Variants in TRPC3 observed in about 807,000 individuals in gnomAD.
TRPC3 encodes the protein short transient receptor potential channel 3.
In TRPC3, 54 loss-of-function variants were observed where a neutral mutation model predicts 90.9. The observed-to-expected ratio is 0.59, with a 90% CI of 0.48 to 0.75. The LOEUF (loss-of-function observed/expected upper bound fraction) is 0.75. Among genes scored for constraint, TRPC3 ranks in the 30% least tolerant of loss-of-function variants. TRPC3 has a pLI of 0.00. For synonymous variants in TRPC3, 424 were observed against 450.9 expected (o/e 0.94, Z 0.75); for missense variants, 918 against 1,194.5 (o/e 0.77, Z 3.41).
rs202016445 is a variant in TRPC3 at position 121,932,824 on chromosome 4, T to A, written c.434A>T (p.Tyr145Phe). The A allele has an allele frequency of 5.6e-6, 9 of 1,610,016 alleles. No homozygotes were observed. The highest frequency in any genetic ancestry group is 7.6e-6 in the Non-Finnish European group (9 of 1,176,920). Residue 145 changes from tyrosine to phenylalanine, a missense_variant, in exon 2 of 12, where the codon TAC (tyrosine) becomes TTC (phenylalanine). Transcript: ENST00000379645. This position sits in a 1 kb window ranked among gnomAD's most constrained non-coding sequence, Gnocchi z 7.7. ...CAGCTGCAGCGCGTTCTGGCCCATG[T>A]AGTCCACGCAGTTGACGTTCAGCGT... ...SKTLNVNCVD[Y>F]MGQNALQLAV... is the part of the protein sequence containing the mutation.
chr4:121,921,909 G>GT lies in TRPC3; in HGVS notation c.1176+3108dup, dbSNP rs1201010547. On this transcript the variant is annotated intron_variant, in intron 3 of 11. Coordinates refer to ENST00000379645, the MANE Select transcript of TRPC3 (RefSeq NM_001130698.2). ...AACGAAGGAAGCCTTTGTTTTTTGG[G>GT]TTTTTTTTTGTTTTTTTTTTTTTTT... 4.9e-3 allele frequency among the ~76,000 whole-genome samples: 584 copies of GT among 119,648 alleles called. 4 individuals carry two copies. Among genetic ancestry groups the GT allele is most frequent in the African/African-American group, 9.1e-3 (320 of 35,278 alleles). The allele number at this position is 119,648 out of a possible 152,430, so 78.5% of individuals were successfully genotyped here. A position where few individuals can be genotyped will look rare whatever the true frequency, so the allele number is the denominator to read the frequency against.
Position 121,893,738 on chromosome 4 carries a change from A to G in TRPC3, c.2547+5874T>C, listed in dbSNP as rs374740390. ...ACCTGGTAAAAAACATTCTTAAGTC[A>G]TAACACAAAGGCTAATATTGTTAAA... On this transcript the variant is annotated intron_variant, in intron 10 of 11. Transcript: ENST00000379645. 3.8e-3 allele frequency among the ~76,000 whole-genome samples: 579 copies of G among 152,314 alleles called. 35 individuals carry two copies. In the South Asian group the frequency reaches 0.11, roughly 30 times the overall value.
Position 121,899,712 on chromosome 4 carries a change from T to C in TRPC3, c.2464-17A>G. The C allele has an allele frequency of 6.5e-7, 1 of 1,549,236 alleles. No individual in the cohort carries two copies. Among genetic ancestry groups the C allele is most frequent in the Non-Finnish European group, 8.9e-7 (1 of 1,122,038 alleles). ...GAGGTTTAACTAGGAAAAAATACAA[T>C]TAACCTAGTAAATTAGAATACATTC... On this transcript the variant is annotated splice_polypyrimidine_tract_variant and intron_variant, in intron 9 of 11. Coordinates refer to ENST00000379645, the MANE Select transcript of TRPC3 (RefSeq NM_001130698.2).
intron 3 of TRPC3, among the ~76,000 whole-genome samples, chr4:121,923,128 C>T (rs929233124): frequency 2.1e-4 from 32 of 152,168 alleles, no homozygotes; most frequent in African/African-American, 7.7e-4. Context: ...TTTCCCCATC[C>T]TCACTTGCTG....
chr4:121,936,874 A>G (rs1730147843), intron 1 of TRPC3, among the ~76,000 whole-genome samples: 1 of 152,132 alleles, frequency 6.6e-6, no homozygotes, highest in South Asian at 2.1e-4. Flanking sequence ...CCATTCTATG[A>G]TATTTTGTCA....
chr4:121,950,051 G>A (rs1175467280), intron 1 of TRPC3, among the ~76,000 whole-genome samples: 7 of 152,248 alleles, frequency 4.6e-5, no homozygotes, highest in African/African-American at 1.4e-4. Context: ...TTAGGGAGAC[G>A]GGGAAGTGAG....
At position 121,874,514 on chromosome 4, in the gene TRPC3, G is replaced by A. The variant is rs1727715856; in HGVS notation, c.*5222C>T. 6.6e-6 allele frequency among the ~76,000 whole-genome samples: 1 copy of A among 152,162 alleles called. No homozygotes were observed. The highest frequency in any genetic ancestry group is 1.5e-5 in the Non-Finnish European group (1 of 68,024). On this transcript the variant is annotated 3_prime_UTR_variant, in exon 12 of 12. Coordinates refer to ENST00000379645, the MANE Select transcript of TRPC3 (RefSeq NM_001130698.2). ...AACAACAGAAATTTATTTTCTCACAGTCTTGGAGTCTAGAAGTCATAGATC... is the reference window on the plus strand; with the variant it reads ...AACAACAGAAATTTATTTTCTCACAATCTTGGAGTCTAGAAGTCATAGATC...
intron 6 of TRPC3, among the ~76,000 whole-genome samples, chr4:121,907,960 C>T (rs186380864): frequency 5.3e-5 from 8 of 152,202 alleles, no homozygotes; most frequent in South Asian, 2.1e-4. Flanking sequence ...TAGGCACAGC[C>T]GGAGTGTAAC....
chr4:121,909,028 A>G (rs575099370), intron 6 of TRPC3, among the ~76,000 whole-genome samples: 57 of 152,284 alleles, frequency 3.7e-4, no homozygotes, highest in African/African-American at 1.4e-3. Flanking sequence ...GGAGATAGGG[A>G]AGCCTGAATC....
chr4:121,928,037 C>G (rs978825654), intron 2 of TRPC3, among the ~76,000 whole-genome samples: 1 of 152,058 alleles, frequency 6.6e-6, no homozygotes, highest in African/African-American at 2.4e-5. Context: ...TCAGACTGTT[C>G]TGTAAGATTT....
At chr4:121,906,063 A>G (rs1229674368) in intron 7 of TRPC3, among the ~76,000 whole-genome samples, 1 of 152,072 alleles carries the variant, frequency 6.6e-6, no homozygotes, top group Non-Finnish European at 1.5e-5. Context: ...TAAAAAAGGA[A>G]AGGACACTGG....
intron 6 of TRPC3, among the ~76,000 whole-genome samples, chr4:121,909,399 C>T (rs1729007019): frequency 6.6e-6 from 1 of 152,104 alleles, no homozygotes; most frequent in Non-Finnish European, 1.5e-5. Flanking sequence ...GATTAGACAA[C>T]ACTTTCTAAA....
At chr4:121,915,360 TA>T (rs1371839314) in intron 3 of TRPC3, among the ~76,000 whole-genome samples, 1 of 152,184 alleles carries the variant, frequency 6.6e-6, no homozygotes, top group Non-Finnish European at 1.5e-5. Context: ...AGGCTATAGC[TA>T]AAAGAGAAAT....
intron 9 of TRPC3, among the ~76,000 whole-genome samples, chr4:121,900,124 T>C (rs1728653195): frequency 6.6e-6 from 1 of 152,202 alleles, no homozygotes; most frequent in South Asian, 2.1e-4. Context: ...CATTTGGTAT[T>C]TTGCAGCCCT....
intron 9 of TRPC3, among the ~76,000 whole-genome samples, chr4:121,900,403 G>A (rs1728662299): frequency 6.6e-6 from 1 of 152,152 alleles, no homozygotes; most frequent in Non-Finnish European, 1.5e-5. Context: ...TGGCCCTCTA[G>A]CCAAAGAGAT....
chr4:121,947,431 C>T (rs995426803), intron 1 of TRPC3, among the ~76,000 whole-genome samples: 10 of 152,000 alleles, frequency 6.6e-5, no homozygotes, highest in Admixed American at 2.0e-4. Context: ...CCAACACACA[C>T]GCTAAGCCAA....
At chr4:121,897,191 G>GA (rs202224475) in intron 10 of TRPC3, among the ~76,000 whole-genome samples, 2,284 of 151,552 alleles carry the variant, frequency 0.015, 31 homozygotes, top group Middle Eastern at 0.068. Context: ...AAAACTAGTA[G>GA]AAAAAAACAT....
intron 3 of TRPC3, among the ~76,000 whole-genome samples, chr4:121,921,542 A>G (rs2149133481): frequency 6.6e-6 from 1 of 151,466 alleles, no homozygotes; most frequent in African/African-American, 2.4e-5. Context: ...AAAAAAAAAA[A>G]AAGACTTCCT....
intron 10 of TRPC3, among the ~76,000 whole-genome samples, chr4:121,895,870 A>C (rs1560690300): frequency 6.6e-6 from 1 of 152,216 alleles, no homozygotes; most frequent in East Asian, 1.9e-4. Flanking sequence ...CAATACCAAA[A>C]TAAGGACACA....
Sources: allele counts gnomAD v4.1 joint callset (sites outside exome capture counted in the v4.1 genomes callset), GRCh38; gene constraint gnomAD v4.1.1; non-coding constraint Gnocchi (gnomAD v3.1); transcripts MANE v1.5; gene names NCBI Gene and HGNC (gene_info 2026-07-23, HGNC 2026-07-21).